Variants in HTR7 observed in about 807,000 individuals in gnomAD.
The protein encoded by HTR7 is 5-HT-7.
HTR7 carries 16 observed loss-of-function variants against 34.0 expected under a neutral mutation model. The observed-to-expected ratio is 0.47, with a 90% CI of 0.32 to 0.71. HTR7 has a LOEUF of 0.71. Among genes scored for constraint, HTR7 ranks in the 30% least tolerant of loss-of-function variants. HTR7 has a pLI of 0.04. For synonymous variants in HTR7, 265 were observed against 260.2 expected (o/e 1.02, Z -0.18); for missense variants, 504 against 625.5 (o/e 0.81, Z 2.07).
intron 1 of HTR7, among the ~76,000 whole-genome samples, chr10:90,795,019 C>A (rs1476714737): frequency 6.6e-6 from 1 of 152,164 alleles, no homozygotes; most frequent in Non-Finnish European, 1.5e-5. Context: ...TACTCAGCAG[C>A]GCATGACAGT....
At chr10:90,745,628 G>A (rs1283535520) in intron 2 of HTR7, among the ~76,000 whole-genome samples, 1 of 152,160 alleles carries the variant, frequency 6.6e-6, no homozygotes, top group Admixed American at 6.5e-5. Flanking sequence ...TAAAGTTGAT[G>A]GATATTTTTA....
intron 1 of HTR7, among the ~76,000 whole-genome samples, chr10:90,801,528 T>G (rs1266598088): frequency 1.3e-5 from 2 of 152,256 alleles, no homozygotes; most frequent in Admixed American, 6.5e-5. Context: ...GCTAAGAGTC[T>G]TCATTCTGAA....
chr10:90,796,454 C>A (rs550966752), intron 1 of HTR7, among the ~76,000 whole-genome samples: 31 of 152,306 alleles, frequency 2.0e-4, no homozygotes, highest in African/African-American at 7.0e-4. Context: ...ACAGCACTTA[C>A]AAAACAAATT....
intron 1 of HTR7, among the ~76,000 whole-genome samples, chr10:90,813,920 A>T (rs996449464): frequency 2.6e-5 from 4 of 152,164 alleles, no homozygotes; most frequent in Non-Finnish European, 5.9e-5. Flanking sequence ...CCCTATGTAA[A>T]TCAGTCATAG....
intron 1 of HTR7, among the ~76,000 whole-genome samples, chr10:90,768,628 T>C (rs1423073791): frequency 2.6e-5 from 4 of 152,348 alleles, no homozygotes; most frequent in Middle Eastern, 6.8e-3. Context: ...GATACTTCCA[T>C]ACTAGTGCAT....
chr10:90,774,075 C>A (rs1455546334), intron 1 of HTR7, among the ~76,000 whole-genome samples: 2 of 151,756 alleles, frequency 1.3e-5, no homozygotes, highest in Admixed American at 6.6e-5. Context: ...TAAGCTCAAG[C>A]AGGAATAAGC....
At position 90,857,558 on chromosome 10, in the gene HTR7, G is replaced by T; in HGVS notation, c.114C>A (p.Asp38Glu). 1 of 1,597,530 alleles carries T rather than the reference G, an allele frequency of 6.3e-7. No individual in the cohort carries two copies. Among genetic ancestry groups the T allele is most frequent in the Non-Finnish European group, 8.5e-7 (1 of 1,173,280 alleles). ...LPDLSPDGGA[D>E]PVAGSWAPHL... ...GCGGCGCCCAGGAGCCCGCGACCGG[G>T]TCGGCGCCACCGTCGGGGCTCAAGT... The change falls in exon 1 of 4, where the codon GAC (aspartate) becomes GAA (glutamate). Residue 38 changes from aspartate (D) to glutamate (E), a missense_variant. Asp to Glu is a conservative substitution (Grantham distance 45). Transcript: ENST00000336152. The surrounding 1 kb of genome is among the most constrained non-coding windows in gnomAD (Gnocchi z 6.5).
chr10:90,847,349 GA>G (rs144426520), intron 1 of HTR7, among the ~76,000 whole-genome samples: 9,400 of 147,746 alleles, frequency 0.064, 362 homozygotes, highest in African/African-American at 0.1. Context: ...AACATGAGAG[GA>G]AAAAAAAAAG....
At chr10:90,776,703 T>A (rs568294605) in intron 1 of HTR7, among the ~76,000 whole-genome samples, 1 of 152,362 alleles carries the variant, frequency 6.6e-6, no homozygotes, top group South Asian at 2.1e-4. Flanking sequence ...TAAGATCATT[T>A]TCTTTTTTGA....
intron 2 of HTR7, among the ~76,000 whole-genome samples, chr10:90,748,056 G>A (rs1844667100): frequency 6.6e-6 from 1 of 152,098 alleles, no homozygotes; most frequent in Non-Finnish European, 1.5e-5. Flanking sequence ...TTGCTTCCTT[G>A]AAAGTCACTA....
chr10:90,810,472 G>A (rs1012128575), intron 1 of HTR7, among the ~76,000 whole-genome samples: 1 of 151,736 alleles, frequency 6.6e-6, no homozygotes, highest in Non-Finnish European at 1.5e-5. Flanking sequence ...GCCTGCTACA[G>A]CATGGCCTTT....
chr10:90,750,998 T>C (rs1844724582), intron 1 of HTR7, among the ~76,000 whole-genome samples: 1 of 152,108 alleles, frequency 6.6e-6, no homozygotes, highest in Non-Finnish European at 1.5e-5. Context: ...GGAAATCATG[T>C]CAGATGAAGG....
chr10:90,823,446 G>T (rs1846019977), intron 1 of HTR7, among the ~76,000 whole-genome samples: 1 of 152,242 alleles, frequency 6.6e-6, no homozygotes, highest in African/African-American at 2.4e-5. Flanking sequence ...CTTGGAATGG[G>T]AGCATTTACC....
chr10:90,836,523 A>T (rs535626089), intron 1 of HTR7, among the ~76,000 whole-genome samples: 15 of 152,024 alleles, frequency 9.9e-5, no homozygotes, highest in Admixed American at 2.0e-4. Context: ...AAATTTTTTT[A>T]AAATTTGAGA....
intron 2 of HTR7, among the ~76,000 whole-genome samples, chr10:90,746,306 C>T (rs1368151952): frequency 6.6e-6 from 1 of 152,110 alleles, no homozygotes; most frequent in Non-Finnish European, 1.5e-5. Flanking sequence ...TTAAAGATTA[C>T]CATTTTATGA....
At chr10:90,823,625 T>C (rs753792259) in intron 1 of HTR7, among the ~76,000 whole-genome samples, 4 of 152,168 alleles carry the variant, frequency 2.6e-5, no homozygotes, top group Non-Finnish European at 4.4e-5. Context: ...GGCATGATTG[T>C]TTTGAAATGT....
chr10:90,742,476 C>A lies in HTR7; in HGVS notation c.*6G>T. ...CCTTGTTTATTTCATCTCCATTGTTCTGCTTTCAATCATGAATCATGACCT... is the reference window on the plus strand; with the variant it reads ...CCTTGTTTATTTCATCTCCATTGTTATGCTTTCAATCATGAATCATGACCT... On this transcript the variant is annotated 3_prime_UTR_variant, in exon 4 of 4. Coordinates refer to ENST00000336152, the MANE Select transcript of HTR7 (RefSeq NM_019859.4). 1 of 1,599,902 alleles carries A rather than the reference C, an allele frequency of 6.3e-7. No individual in the cohort carries two copies. Among genetic ancestry groups the A allele is most frequent in the Non-Finnish European group, 8.5e-7 (1 of 1,173,380 alleles).
At chr10:90,853,053 T>C (rs1310480427) in intron 1 of HTR7, among the ~76,000 whole-genome samples, 2 of 147,790 alleles carry the variant, frequency 1.4e-5, no homozygotes, top group South Asian at 2.2e-4. Flanking sequence ...TAAGTCTATA[T>C]CCACCACCGA....
intron 1 of HTR7, among the ~76,000 whole-genome samples, chr10:90,802,642 C>T (rs1335809965): frequency 6.6e-6 from 1 of 152,180 alleles, no homozygotes; most frequent in African/African-American, 2.4e-5. Flanking sequence ...TATAGCTAGC[C>T]TTAAAAATTC....
Sources: gnomAD v4.1 joint callset for allele counts (sites outside exome capture counted in the v4.1 genomes callset) on GRCh38, gnomAD v4.1.1 for gene constraint, Gnocchi (gnomAD v3.1) non-coding constraint, MANE v1.5 for transcripts, NCBI Gene and HGNC (gene_info 2026-07-23, HGNC 2026-07-21) for gene names.